The following SNX30 variants were observed in gnomAD, a reference collection of about 807,000 sequenced individuals.
The protein encoded by SNX30 is sorting nexin-30.
Under a neutral mutation model 46.4 loss-of-function variants are expected in SNX30, and 24 were observed. The ratio of observed to expected loss-of-function variants is 0.52; its 90% confidence interval spans 0.37 to 0.73. The LOEUF is 0.73. Among genes scored for constraint, SNX30 ranks in the 30% least tolerant of loss-of-function variants. The probability of loss-of-function intolerance (pLI) is 0.00; values close to 1 mark genes in which losing one functional copy is unlikely to be tolerated. For missense variants in SNX30, 533 were observed against 555.7 expected (o/e 0.96, Z 0.41); for synonymous variants, 189 against 211.5 (o/e 0.89, Z 0.92).
chr9:112,829,376 A>G (rs772144629), intron 3 of SNX30, among the ~76,000 whole-genome samples: 8 of 152,200 alleles, frequency 5.3e-5, no homozygotes, highest in East Asian at 1.9e-4. Context: ...AGCCTAAGCT[A>G]TCCTCCCACC....
chr9:112,792,882 C>CTTTT (rs11447466), intron 1 of SNX30, among the ~76,000 whole-genome samples: 4 of 146,812 alleles, frequency 2.7e-5, no homozygotes, highest in Admixed American at 6.8e-5. Flanking sequence ...TTTCTTTAGG[C>CTTTT]TTTTTTTTTT....
intron 3 of SNX30, among the ~76,000 whole-genome samples, chr9:112,826,797 G>A (rs991795016): frequency 3.9e-5 from 6 of 152,158 alleles, no homozygotes; most frequent in Non-Finnish European, 8.8e-5. Flanking sequence ...CTAAAGGAAC[G>A]GGGGAGAGAA....
chr9:112,859,771 T>C (rs531683731), intron 7 of SNX30, among the ~76,000 whole-genome samples: 1 of 151,502 alleles, frequency 6.6e-6, no homozygotes, highest in South Asian at 2.1e-4. Flanking sequence ...CCTCCTGAAG[T>C]GCTGGGATTA....
rs766381216 is a variant in SNX30, at chr9:112,804,794, G to A, written c.175G>A (p.Gly59Ser). 3.1e-6 allele frequency: 5 copies of A among 1,609,504 alleles called. No individual in the cohort carries two copies. Among genetic ancestry groups the A allele is most frequent in the East Asian group, 2.2e-5 (1 of 44,832 alleles). ...CTTTTAGGATCTCATTTTGCCCAAC[G>A]GTGGTACTCCAGCAGGTACTTCAAG... ...FGDKDLILPNGGTPAGTSSPA... is the reference protein window; with the variant it reads ...FGDKDLILPNSGTPAGTSSPA... The change falls in exon 2 of 9, where the codon GGT becomes AGT. Residue 59 changes from glycine (G) to serine (S), a missense_variant. Gly to Ser is a moderately conservative substitution (Grantham distance 56). Coordinates refer to ENST00000374232, the MANE Select transcript of SNX30 (RefSeq NM_001012994.2).
chr9:112,848,885 G>A (rs781442368), intron 6 of SNX30, among the ~76,000 whole-genome samples: 12 of 152,124 alleles, frequency 7.9e-5, no homozygotes, highest in East Asian at 1.9e-4. Flanking sequence ...CCCACCCCTC[G>A]TAGTCCCAGG....
At chr9:112,837,210 A>T (rs996811080) in intron 5 of SNX30, among the ~76,000 whole-genome samples, 3 of 149,732 alleles carry the variant, frequency 2.0e-5, no homozygotes, top group Non-Finnish European at 4.5e-5. Context: ...AAAAATCAAC[A>T]TTTTTTTTTT....
At chr9:112,858,142 G>A (rs1038275675) in intron 7 of SNX30, among the ~76,000 whole-genome samples, 1 of 152,160 alleles carries the variant, frequency 6.6e-6, no homozygotes, top group Non-Finnish European at 1.5e-5. Context: ...TAGCAGTGCT[G>A]TGCCATGTCA....
At chr9:112,777,796 G>A (rs1056627574) in intron 1 of SNX30, among the ~76,000 whole-genome samples, 1 of 151,822 alleles carries the variant, frequency 6.6e-6, no homozygotes, top group Non-Finnish European at 1.5e-5. Flanking sequence ...AAACTGAGTG[G>A]TTGCTATGTG....
intron 3 of SNX30, among the ~76,000 whole-genome samples, chr9:112,819,627 T>TA (rs1403691803): frequency 6.6e-6 from 1 of 152,218 alleles, no homozygotes; most frequent in East Asian, 1.9e-4. Context: ...TTAGCAGTCA[T>TA]GTCTCCTTAG....
chr9:112,762,577 C>T (rs907281686), intron 1 of SNX30, among the ~76,000 whole-genome samples: 16 of 151,456 alleles, frequency 1.1e-4, no homozygotes, highest in Non-Finnish European at 1.9e-4. Flanking sequence ...TCTGTTTCCC[C>T]TATCTAAAAT....
chr9:112,836,190 A>T (rs371694678), intron 4 of SNX30, 24 bp from the exon 5 acceptor site: 23 of 1,573,278 alleles, frequency 1.5e-5, no homozygotes, highest in Non-Finnish European at 1.9e-5. Context: ...GAGTGCTTTG[A>T]GCTTATTCAC....
At chr9:112,815,692 G>A (rs1235551193) in intron 2 of SNX30, among the ~76,000 whole-genome samples, 1 of 152,214 alleles carries the variant, frequency 6.6e-6, no homozygotes, top group African/African-American at 2.4e-5. Flanking sequence ...AAGGCAAAAA[G>A]TAGAGCCTTC....
intron 1 of SNX30, among the ~76,000 whole-genome samples, chr9:112,753,032 T>A (rs1177267122): frequency 1.3e-5 from 2 of 152,188 alleles, no homozygotes; most frequent in Non-Finnish European, 2.9e-5. Context: ...ATCTTGGAAA[T>A]GACATGCCTC....
intron 1 of SNX30, among the ~76,000 whole-genome samples, chr9:112,757,198 T>C (rs1387602215): frequency 6.6e-6 from 1 of 152,250 alleles, no homozygotes; most frequent in Non-Finnish European, 1.5e-5. Context: ...TTTCTCTATA[T>C]ATTTGAATTT....
intron 1 of SNX30, among the ~76,000 whole-genome samples, chr9:112,765,169 A>G (rs988129309): frequency 1.3e-5 from 2 of 152,198 alleles, no homozygotes; most frequent in African/African-American, 4.8e-5. Context: ...TCACTGTGGA[A>G]GAGACTCTAG....
At chr9:112,825,566 T>TTATA (rs1840568071) in intron 3 of SNX30, among the ~76,000 whole-genome samples, 2 of 152,134 alleles carry the variant, frequency 1.3e-5, no homozygotes, top group South Asian at 4.1e-4. Flanking sequence ...AATGCTAGGA[T>TTATA]TATAGACATG....
chr9:112,844,388 A>G (rs1840905585), intron 6 of SNX30, among the ~76,000 whole-genome samples: 1 of 152,196 alleles, frequency 6.6e-6, no homozygotes, highest in African/African-American at 2.4e-5. Flanking sequence ...GAGTTAGTCT[A>G]GAGTGGGAAT....
At chr9:112,883,215 G>C (rs1338045436), downstream of SNX30, among the ~76,000 whole-genome samples, 1 of 152,164 alleles carries the variant, frequency 6.6e-6, no homozygotes, top group Non-Finnish European at 1.5e-5. Context: ...CCTGCCTTGG[G>C]ATAACTTGAC....
chr9:112,795,793 A>ACACACACACACACG (rs1314355043), intron 1 of SNX30, among the ~76,000 whole-genome samples: 1 of 151,254 alleles, frequency 6.6e-6, no homozygotes, highest in Non-Finnish European at 1.5e-5. Flanking sequence ...ACACACACAC[A>ACACACACACACACG]CACGCACACA....
Sources: allele counts gnomAD v4.1 joint callset (sites outside exome capture counted in the v4.1 genomes callset), GRCh38; gene constraint gnomAD v4.1.1; transcripts MANE v1.5; gene names NCBI Gene and HGNC (gene_info 2026-07-23, HGNC 2026-07-21).